The following VPS33B variants were observed in gnomAD, a reference collection of about 807,000 sequenced individuals.
VPS33B encodes VPS33B late endosome and lysosome associated, also known as vacuolar protein sorting-associated protein 33B.
A neutral mutation model predicts 95.3 loss-of-function variants in VPS33B; 80 were observed. The ratio of observed to expected loss-of-function variants is 0.84; its 90% confidence interval spans 0.70 to 1.01. The LOEUF is 1.01. Among genes scored for constraint, VPS33B ranks in the 50% least tolerant of loss-of-function variants. The probability of loss-of-function intolerance (pLI) is 0.00; values close to 1 mark genes in which losing one functional copy is unlikely to be tolerated. For synonymous variants in VPS33B, 280 were observed against 280.4 expected (o/e 1.00, Z 0.01); for missense variants, 715 against 773.4 (o/e 0.92, Z 0.90).
Position 91,009,711 on chromosome 15 carries a change from TG to T in VPS33B, c.403+89del. On this transcript the variant is annotated intron_variant, in intron 6 of 22. Coordinates refer to ENST00000333371, the MANE Select transcript of VPS33B (RefSeq NM_018668.5). This position sits in a 1 kb window ranked among gnomAD's most constrained non-coding sequence, Gnocchi z 4.1. Reference sequence around the variant, plus strand: ...GACCAGGAAAAGAAGGAGCTGGTGGTGGGGGTGGGGTGGGGGGGTTGGAGAA... The same window carrying T: ...GACCAGGAAAAGAAGGAGCTGGTGGTGGGGTGGGGTGGGGGGGTTGGAGAA... 10 of 958,832 alleles carry T rather than the reference TG, an allele frequency of 1.0e-5. No individual in the cohort carries two copies. The highest frequency in any genetic ancestry group is 1.3e-5 in the Non-Finnish European group (10 of 746,204). 59.4% of individuals were successfully genotyped at this position (958,832 alleles called of 1,614,324 possible). A position where few individuals can be genotyped will look rare whatever the true frequency, so the allele number is the denominator to read the frequency against.
Position 91,001,920 on chromosome 15 carries a change from A to C in VPS33B, c.1405+130T>G. 2.1e-6 allele frequency: 3 copies of C among 1,442,466 alleles called. No homozygotes were observed. In the South Asian group the frequency reaches 3.6e-5, roughly 17 times the overall value. The allele number at this position is 1,442,466 out of a possible 1,614,324, so 89.4% of individuals were successfully genotyped here. A position where few individuals can be genotyped will look rare whatever the true frequency, so the allele number is the denominator to read the frequency against. The stretch of plus-strand genomic sequence containing the variant: ...TCTTACTAGCAGAAGTAGTAGTAAT[A>C]ATAGTAATGACATTAATAGGAAGGA... On this transcript the variant is annotated intron_variant, in intron 18 of 22. Transcript: ENST00000333371.
chr15:91,019,114 G>GTTT (rs368381850), intron 1 of VPS33B, among the ~76,000 whole-genome samples: 3 of 87,760 alleles, frequency 3.4e-5, no homozygotes, highest in Non-Finnish European at 4.1e-5. Context: ...CTCCTGGCCT[G>GTTT]TTTTTTTTTT....
Position 91,011,642 on chromosome 15 carries a change from TAGAG to T in VPS33B, c.358-1800_358-1797del, listed in dbSNP as rs1476666399. 1.3e-5 allele frequency among the ~76,000 whole-genome samples: 2 copies of T among 152,334 alleles called. No homozygotes were observed. Among genetic ancestry groups the T allele is most frequent in the Non-Finnish European group, 2.9e-5 (2 of 68,024 alleles). On this transcript the variant is annotated intron_variant, in intron 5 of 22. Transcript: ENST00000333371. This position sits in a 1 kb window ranked among gnomAD's most constrained non-coding sequence, Gnocchi z 5.5. ...ATAACTATTTTGTTTTTCTGTGTAATAGAGAGGCTTGTAGGATTATTTTAACTTG... is the reference window on the plus strand; with the variant it reads ...ATAACTATTTTGTTTTTCTGTGTAATAGGCTTGTAGGATTATTTTAACTTG...
chr15:91,007,705 C>T lies in VPS33B; in HGVS notation c.499-132G>A. 1 of 1,189,282 alleles carries T rather than the reference C, an allele frequency of 8.4e-7. No homozygotes were observed. Among genetic ancestry groups the T allele is most frequent in the Non-Finnish European group, 1.3e-6 (1 of 799,808 alleles). 73.7% of individuals were successfully genotyped at this position (1,189,282 alleles called of 1,614,324 possible). ...GCTTGAAAGGTTTTCATTGGCTCCA[C>T]AGGAAGTCCCACAGAGACCAATCTG... is the stretch of plus-strand genomic sequence containing the variant. On this transcript the variant is annotated intron_variant, in intron 7 of 22. Transcript: ENST00000333371. The surrounding 1 kb of genome is among the most constrained non-coding windows in gnomAD (Gnocchi z 5.3).
chr15:91,021,833 T>C (rs1012749025), intron 1 of VPS33B, among the ~76,000 whole-genome samples: 5 of 152,258 alleles, frequency 3.3e-5, no homozygotes, highest in Non-Finnish European at 4.4e-5. Context: ...TGTGATAATT[T>C]GTGCTTCATA....
chr15:91,011,406 C>T lies in VPS33B; in HGVS notation c.358-1560G>A, dbSNP rs1596363115. Among the ~76,000 whole-genome samples, 1 of 152,214 alleles carries T rather than the reference C, an allele frequency of 6.6e-6. No homozygotes were observed. The highest frequency in any genetic ancestry group is 1.9e-4 in the East Asian group (1 of 5,202). Reference sequence around the variant, plus strand: ...TGTTACACAGAAGAATCCTATTCCTCCCTCACTCATTTCTGCCAGGAAAAC... The same window carrying T: ...TGTTACACAGAAGAATCCTATTCCTTCCTCACTCATTTCTGCCAGGAAAAC... On this transcript the variant is annotated intron_variant, in intron 5 of 22. Coordinates refer to ENST00000333371, the MANE Select transcript of VPS33B (RefSeq NM_018668.5). The surrounding 1 kb of genome is among the most constrained non-coding windows in gnomAD (Gnocchi z 5.5).
Position 91,000,116 on chromosome 15 carries a change from A to C in VPS33B, c.1582-141T>G. 1 of 1,053,102 alleles carries C rather than the reference A, an allele frequency of 9.5e-7. No individual in the cohort carries two copies. Among genetic ancestry groups the C allele is most frequent in the Non-Finnish European group, 1.4e-6 (1 of 701,806 alleles). The allele number at this position is 1,053,102 out of a possible 1,614,324, so 65.2% of individuals were successfully genotyped here. On this transcript the variant is annotated intron_variant, in intron 20 of 22. Transcript: ENST00000333371. The surrounding 1 kb of genome is among the most constrained non-coding windows in gnomAD (Gnocchi z 4.9). ...GAGACAGGGCCAGGTGTGGTGGCTC[A>C]CGCCTGTAATTCCAACACTTTAGGA...
intron 2 of VPS33B, among the ~76,000 whole-genome samples, chr15:91,017,286 G>A (rs1466423510): frequency 1.4e-5 from 2 of 146,708 alleles, no homozygotes; most frequent in Non-Finnish European, 3.0e-5. Flanking sequence ...ACGTTGGGAG[G>A]CCAAGGTAGG....
chr15:91,011,829 A>T lies in VPS33B; in HGVS notation c.357+1975T>A, dbSNP rs115781723. ...ATGGCAAAACCCCACCTCTTTTAAAAATATAAAAAATTAGCCACGCACGGT... is the reference window on the plus strand; with the variant it reads ...ATGGCAAAACCCCACCTCTTTTAAATATATAAAAAATTAGCCACGCACGGT... On this transcript the variant is annotated intron_variant, in intron 5 of 22. Transcript: ENST00000333371. This position sits in a 1 kb window ranked among gnomAD's most constrained non-coding sequence, Gnocchi z 5.5. 0.017 allele frequency among the ~76,000 whole-genome samples: 2,599 copies of T among 152,214 alleles called. 77 individuals carry two copies. The highest frequency in any genetic ancestry group is 0.057 in the African/African-American group (2,379 of 41,484).
Position 91,000,542 on chromosome 15 carries a change from G to A in VPS33B, c.1529C>T (p.Ala510Val), listed in dbSNP as rs1290979530. 6.2e-7 allele frequency: 1 copy of A among 1,613,696 alleles called. No homozygotes were observed. Among genetic ancestry groups the A allele is most frequent in the East Asian group, 2.2e-5 (1 of 44,864 alleles). Residue 510 changes from alanine (A) to valine (V), a missense_variant, in exon 20 of 23, where the codon GCT (alanine) becomes GTT (valine). Coordinates refer to ENST00000333371, the MANE Select transcript of VPS33B (RefSeq NM_018668.5). The surrounding 1 kb of genome is among the most constrained non-coding windows in gnomAD (Gnocchi z 4.9). ...CACATAAGCACCACCGAAGACGTAAGCCATGTCTCGGGGCACTTTCAGATC... is the reference window on the plus strand; with the variant it reads ...CACATAAGCACCACCGAAGACGTAAACCATGTCTCGGGGCACTTTCAGATC... The part of the protein sequence containing the change: ...EYDLKVPRDM[A>V]YVFGGAYVPL...
intron 16 of VPS33B, among the ~76,000 whole-genome samples, chr15:91,004,123 C>T (rs1024351231): frequency 6.6e-6 from 1 of 151,532 alleles, no homozygotes; most frequent in Non-Finnish European, 1.5e-5. Context: ...ACTTGAGAGG[C>T]TGAGGTGAGA....
rs929225374 is a variant in VPS33B, at chr15:91,013,506, T to G, written c.357+298A>C. Among the ~76,000 whole-genome samples, 40 of 152,166 alleles carry G rather than the reference T, an allele frequency of 2.6e-4. No homozygotes were observed. Among genetic ancestry groups the G allele is most frequent in the Admixed American group, 7.9e-4 (12 of 15,268 alleles). The stretch of plus-strand genomic sequence containing the variant: ...TGTCCTTATGGCAGGAGTGGGTTGC[T>G]ATAAGGCGAGTCCAGCCCCTGGGTG... On this transcript the variant is annotated intron_variant, in intron 5 of 22. Coordinates refer to ENST00000333371, the MANE Select transcript of VPS33B (RefSeq NM_018668.5). The surrounding 1 kb of genome is among the most constrained non-coding windows in gnomAD (Gnocchi z 4.5).
chr15:91,011,154 C>G lies in VPS33B; in HGVS notation c.358-1308G>C, dbSNP rs911180908. On this transcript the variant is annotated intron_variant, in intron 5 of 22. Coordinates refer to ENST00000333371, the MANE Select transcript of VPS33B (RefSeq NM_018668.5). This position sits in a 1 kb window ranked among gnomAD's most constrained non-coding sequence, Gnocchi z 5.5. ...ATCTTAGGAGGGAAAAGGCCACGATCTCTTCCTCCTTTGAGGTAAGTGGGG... is the reference window on the plus strand; with the variant it reads ...ATCTTAGGAGGGAAAAGGCCACGATGTCTTCCTCCTTTGAGGTAAGTGGGG... Among the ~76,000 whole-genome samples the G allele has an allele frequency of 2.6e-5, 4 of 152,332 alleles. No homozygotes were observed. Among genetic ancestry groups the G allele is most frequent in the East Asian group, 1.9e-4 (1 of 5,188 alleles).
Position 91,004,877 on chromosome 15 carries a change from C to T in VPS33B, c.1225G>A (p.Gly409Ser), listed in dbSNP as rs1489247242. The T allele has an allele frequency of 2.5e-6, 4 of 1,614,188 alleles. No individual in the cohort carries two copies. Among genetic ancestry groups the T allele is most frequent in the Non-Finnish European group, 3.4e-6 (4 of 1,180,038 alleles). The change falls in exon 16 of 23, where the codon GGT becomes AGT. Residue 409 changes from glycine to serine, a missense_variant and splice_region_variant. Coordinates refer to ENST00000333371, the MANE Select transcript of VPS33B (RefSeq NM_018668.5). ...LMCLLSITEN[G>S]LIPKDYRSLK... ...CTCATCTTCAGTCTTTTGGGCTCAC[C>T]ATTCTCAGTGATGGACAAAAGGCAC...
At chr15:91,004,490 C>G (rs138188706) in intron 16 of VPS33B, among the ~76,000 whole-genome samples, 1 of 151,946 alleles carries the variant, frequency 6.6e-6, no homozygotes, top group African/African-American at 2.4e-5. Context: ...GGTGACAGAG[C>G]GAGACTCTTG....
chr15:91,000,710 G>A lies in VPS33B; in HGVS notation c.1480-119C>T. On this transcript the variant is annotated intron_variant, in intron 19 of 22. Coordinates refer to ENST00000333371, the MANE Select transcript of VPS33B (RefSeq NM_018668.5). The surrounding 1 kb of genome is among the most constrained non-coding windows in gnomAD (Gnocchi z 4.9). ...CTTATTTCAACTAAAGGGAGAACCA[G>A]CAATAGCCCTGAAAAGAGAATCCAT... is the stretch of plus-strand genomic sequence containing the variant. The A allele has an allele frequency of 9.4e-6, 8 of 851,422 alleles. No homozygotes were observed. Among genetic ancestry groups the A allele is most frequent in the Non-Finnish European group, 1.5e-5 (8 of 530,344 alleles). The allele number at this position is 851,422 out of a possible 1,614,324, so 52.7% of individuals were successfully genotyped here.
At chr15:91,008,974 A>G (rs749566753) in intron 6 of VPS33B, among the ~76,000 whole-genome samples, 34 of 152,130 alleles carry the variant, frequency 2.2e-4, no homozygotes, top group Non-Finnish European at 4.6e-4. Flanking sequence ...GCACACGATG[A>G]GGCTAATGGG....
At chr15:91,001,508 C>T (rs1262620084) in intron 18 of VPS33B, 46 bp from the exon 19 acceptor site, 1 of 1,482,364 alleles carries the variant, frequency 6.7e-7, no homozygotes, top group African/African-American at 1.4e-5. Context: ...TCTATGGATT[C>T]ATGACACTGC....
rs1212937077 is a variant in VPS33B at position 91,018,954 on chromosome 15, A to G, written c.97-1069T>C. ...CTCAGCCTCCCGAGTAGCTGAGATT[A>G]CAGGTGCCTGCCACCACACCTGGCT... On this transcript the variant is annotated intron_variant, in intron 1 of 22. Coordinates refer to ENST00000333371, the MANE Select transcript of VPS33B (RefSeq NM_018668.5). The surrounding 1 kb of genome is among the most constrained non-coding windows in gnomAD (Gnocchi z 4.7). 1.1e-4 allele frequency among the ~76,000 whole-genome samples: 17 copies of G among 151,530 alleles called. No homozygotes were observed. Among genetic ancestry groups the G allele is most frequent in the Admixed American group, 1.1e-3 (17 of 15,192 alleles).
Sources: allele counts gnomAD v4.1 joint callset (sites outside exome capture counted in the v4.1 genomes callset), GRCh38; gene constraint gnomAD v4.1.1; non-coding constraint Gnocchi (gnomAD v3.1); transcripts MANE v1.5; gene names NCBI Gene and HGNC (gene_info 2026-07-23, HGNC 2026-07-21).